The following SPOCK1 variants were observed in gnomAD, a reference collection of about 807,000 sequenced individuals.
SPOCK1 encodes SPARC (osteonectin), cwcv and kazal like domains proteoglycan 1, also known as testican-1.
In SPOCK1, 23 loss-of-function variants were observed where a neutral mutation model predicts 55.3. That is an observed-to-expected ratio of 0.42 (90% CI 0.30 to 0.59). The LOEUF (loss-of-function observed/expected upper bound fraction) is 0.59, where lower values mean the gene tolerates loss of function less well. Among genes scored for constraint, SPOCK1 ranks in the 20% least tolerant of loss-of-function variants. The pLI is 0.22. For synonymous variants in SPOCK1, 226 were observed against 221.0 expected, an observed-to-expected ratio of 1.02 and a Z score of -0.20; for missense variants, 499 against 552.5, an observed-to-expected ratio of 0.90 and a Z score of 0.97.
intron 2 of SPOCK1, among the ~76,000 whole-genome samples, chr5:137,440,711 AT>A (rs1329333092): frequency 2.7e-4 from 41 of 152,316 alleles, no homozygotes; most frequent in Admixed American, 1.3e-3. Context: ...TGGAAGTTAT[AT>A]TTTATTTTTT....
intron 3 of SPOCK1, among the ~76,000 whole-genome samples, chr5:137,238,120 C>T (rs1756214280): frequency 6.6e-6 from 1 of 152,178 alleles, no homozygotes; most frequent in African/African-American, 2.4e-5. Context: ...CAATTCCTCA[C>T]AGGGCTGTAG....
chr5:137,093,918 A>G (rs1309471889), intron 5 of SPOCK1, among the ~76,000 whole-genome samples: 1 of 152,220 alleles, frequency 6.6e-6, no homozygotes, highest in Non-Finnish European at 1.5e-5. Context: ...GGCTGTTTCA[A>G]TGATCACTCA....
At chr5:137,194,981 T>G (rs1050436484) in intron 3 of SPOCK1, among the ~76,000 whole-genome samples, 25 of 152,110 alleles carry the variant, frequency 1.6e-4, no homozygotes, top group African/African-American at 5.6e-4. Flanking sequence ...GAGCAGCCAC[T>G]CTCTCTCTTC....
chr5:137,111,542 C>T (rs555008745), intron 5 of SPOCK1, among the ~76,000 whole-genome samples: 138 of 152,180 alleles, frequency 9.1e-4, no homozygotes, highest in Admixed American at 2.8e-3. Context: ...GGATGGTTGT[C>T]GGATATGAAA....
At chr5:137,292,843 G>A (rs1400601131) in intron 2 of SPOCK1, among the ~76,000 whole-genome samples, 4 of 152,156 alleles carry the variant, frequency 2.6e-5, no homozygotes, top group Admixed American at 6.5e-5. Context: ...GGACAAACAC[G>A]AAACTGGCAC....
At chr5:137,177,362 T>C (rs1754874959) in intron 3 of SPOCK1, among the ~76,000 whole-genome samples, 1 of 151,756 alleles carries the variant, frequency 6.6e-6, no homozygotes, top group African/African-American at 2.4e-5. Context: ...TTCAAAGGAG[T>C]CTGGGGTTGG....
At chr5:137,268,650 T>C (rs995166856) in intron 2 of SPOCK1, among the ~76,000 whole-genome samples, 1 of 152,162 alleles carries the variant, frequency 6.6e-6, no homozygotes, top group Non-Finnish European at 1.5e-5. Flanking sequence ...TAGACAACCA[T>C]GTTACCAACA....
At chr5:137,022,722 A>G (rs1751600030) in intron 6 of SPOCK1, among the ~76,000 whole-genome samples, 1 of 152,202 alleles carries the variant, frequency 6.6e-6, no homozygotes, top group Non-Finnish European at 1.5e-5. Context: ...CATAGGATAT[A>G]TTGCATGAAA....
At chr5:137,328,620 A>C (rs182025108) in intron 2 of SPOCK1, among the ~76,000 whole-genome samples, 1 of 152,330 alleles carries the variant, frequency 6.6e-6, no homozygotes, top group African/African-American at 2.4e-5. Flanking sequence ...CTACAGGCCA[A>C]GGCACAATGG....
At chr5:137,062,775 T>C (rs996756875) in intron 6 of SPOCK1, among the ~76,000 whole-genome samples, 2 of 152,052 alleles carry the variant, frequency 1.3e-5, no homozygotes, top group Non-Finnish European at 2.9e-5. Flanking sequence ...CGCAGAGATT[T>C]CAATTTCATC....
intron 2 of SPOCK1, among the ~76,000 whole-genome samples, chr5:137,463,244 C>T (rs1192731508): frequency 2.0e-5 from 3 of 152,196 alleles, no homozygotes; most frequent in Non-Finnish European, 2.9e-5. Context: ...TGTTGCAGCA[C>T]TGTTCACAAT....
chr5:137,121,749 GTGTA>G (rs1361869135), intron 4 of SPOCK1, among the ~76,000 whole-genome samples: 1 of 146,096 alleles, frequency 6.8e-6, no homozygotes, highest in Non-Finnish European at 1.5e-5. Context: ...ATAAGTGTGT[GTGTA>G]TGTATTTTAT....
At chr5:137,128,527 A>G (rs1197274633) in intron 4 of SPOCK1, among the ~76,000 whole-genome samples, 1 of 152,198 alleles carries the variant, frequency 6.6e-6, no homozygotes, top group Non-Finnish European at 1.5e-5. Flanking sequence ...TTCCTTATAA[A>G]AATACCATAA....
chr5:137,131,433 C>T (rs1216153219), intron 4 of SPOCK1, among the ~76,000 whole-genome samples: 3 of 151,576 alleles, frequency 2.0e-5, no homozygotes, highest in Non-Finnish European at 4.4e-5. Context: ...CATGGTGAAA[C>T]CTTGCTTCTG....
rs1025964816 is a variant in SPOCK1 at position 136,988,541 on chromosome 5, T to A, written c.809A>T (p.Asn270Ile). The A allele has an allele frequency of 6.2e-7, 1 of 1,614,112 alleles. No homozygotes were observed. Among genetic ancestry groups the A allele is most frequent in the East Asian group, 2.2e-5 (1 of 44,870 alleles). The change falls in exon 8 of 11, where the codon AAT becomes ATT. Residue 270 changes from asparagine (N) to isoleucine (I), a missense_variant. Asn to Ile is a moderately radical substitution (Grantham distance 149, BLOSUM62 -3). Coordinates refer to ENST00000394945, the MANE Select transcript of SPOCK1 (RefSeq NM_004598.4). ...YDLLLDPSEI[N>I]AIYLDKYEPC... ...CTCGTACTTATCCAGGTAGATGGCA[T>A]TGATCTCTGAAGGGTCAAGCAGGAG...
chr5:137,076,373 G>A (rs571618056), intron 5 of SPOCK1, among the ~76,000 whole-genome samples: 1 of 152,146 alleles, frequency 6.6e-6, no homozygotes, highest in South Asian at 2.1e-4. Flanking sequence ...AGGTGCTCCT[G>A]AACTTACTAT....
chr5:137,267,839 T>C (rs1756888493), intron 2 of SPOCK1, among the ~76,000 whole-genome samples: 1 of 152,212 alleles, frequency 6.6e-6, no homozygotes, highest in Non-Finnish European at 1.5e-5. Context: ...CCCCATTGTT[T>C]CCTGGCACAC....
At chr5:137,199,227 C>A (rs1257457683) in intron 3 of SPOCK1, among the ~76,000 whole-genome samples, 1 of 152,182 alleles carries the variant, frequency 6.6e-6, no homozygotes, top group East Asian at 1.9e-4. Context: ...GTCTTAGAAC[C>A]AGCCCACACG....
intron 2 of SPOCK1, chr5:137,365,295 A>C (rs1434336389): frequency 6.6e-6 from 1 of 152,234 alleles, no homozygotes; most frequent in African/African-American, 2.4e-5. Flanking sequence ...AACTTGAATT[A>C]AGTTGGTTTC....
Sources: gnomAD v4.1 joint callset for allele counts (sites outside exome capture counted in the v4.1 genomes callset) on GRCh38, gnomAD v4.1.1 for gene constraint, MANE v1.5 for transcripts, NCBI Gene and HGNC (gene_info 2026-07-23, HGNC 2026-07-21) for gene names.